CNTLN: variants seen among roughly 807,000 people sequenced by gnomAD.
CNTLN encodes centlein, also known as centlein, centrosomal protein.
CNTLN carries 212 observed loss-of-function variants against 180.0 expected under a neutral mutation model. That is an observed-to-expected ratio of 1.18 (90% CI 1.05 to 1.32). The LOEUF (loss-of-function observed/expected upper bound fraction) is 1.32. Among genes scored for constraint, CNTLN ranks in the 40% most tolerant of loss-of-function variants. CNTLN has a pLI of 0.00. For missense variants in CNTLN, 2,095 were observed against 1,610.9 expected (o/e 1.30, Z -5.14); for synonymous variants, 722 against 563.1 (o/e 1.28, Z -3.99).
chr9:17,418,941 G>C (rs556199153), intron 18 of CNTLN, among the ~76,000 whole-genome samples: 1 of 152,022 alleles, frequency 6.6e-6, no homozygotes, highest in African/African-American at 2.4e-5. Flanking sequence ...TTTTTTCCCT[G>C]TCAGTTTCAT....
intron 23 of CNTLN, among the ~76,000 whole-genome samples, chr9:17,480,157 T>G (rs1312658969): frequency 6.6e-6 from 1 of 151,974 alleles, no homozygotes; most frequent in African/African-American, 2.4e-5. Context: ...CACCACTGCA[T>G]TTCAGCCCGG....
At chr9:17,351,451 C>A (rs1257672336) in intron 12 of CNTLN, among the ~76,000 whole-genome samples, 1 of 152,180 alleles carries the variant, frequency 6.6e-6, no homozygotes, top group East Asian at 1.9e-4. Flanking sequence ...AAACCAAATT[C>A]ACGATCTCCA....
In CNTLN at chr9:17,463,000, G is replaced by C. The variant is rs1303695946; in HGVS notation, c.3391G>C (p.Glu1131Gln). ...ELLAKEEHIK[E>Q]MHEKISRMER... Reference sequence around the variant, plus strand: ...CCTAGCAAAAGAAGAACACATAAAGGAAATGCATGAAAAGTATGGTTTTTG... The same window carrying C: ...CCTAGCAAAAGAAGAACACATAAAGCAAATGCATGAAAAGTATGGTTTTTG... The change falls in exon 20 of 26, where the codon GAA becomes CAA. Residue 1131 changes from glutamate to glutamine, a missense_variant. Transcript: ENST00000380647. 1 of 1,570,912 alleles carries C rather than the reference G, an allele frequency of 6.4e-7. No individual in the cohort carries two copies. Among genetic ancestry groups the C allele is most frequent in the Non-Finnish European group, 8.6e-7 (1 of 1,159,370 alleles).
At chr9:17,506,304 G>T (rs1833931623), downstream of CNTLN, among the ~76,000 whole-genome samples, 2 of 152,044 alleles carry the variant, frequency 1.3e-5, no homozygotes, top group Admixed American at 6.6e-5. Context: ...CTTTCACCCT[G>T]GGAATAGACA....
the CNTLN span, among the ~76,000 whole-genome samples, chr9:17,514,674 G>A: frequency 0.98 from 148,650 of 152,306 alleles, 72,558 homozygotes; most frequent in Middle Eastern, 1. Context: ...TATTCCAAGT[G>A]TACTGGTTTT....
At chr9:17,291,029 C>T (rs1459350109) in intron 6 of CNTLN, among the ~76,000 whole-genome samples, 1 of 152,142 alleles carries the variant, frequency 6.6e-6, no homozygotes, top group African/African-American at 2.4e-5. Context: ...ATCTTGGCTC[C>T]TCCCCTGATT....
intron 5 of CNTLN, among the ~76,000 whole-genome samples, chr9:17,263,376 C>A (rs191160283): frequency 6.6e-6 from 1 of 151,038 alleles, no homozygotes; most frequent in African/African-American, 2.5e-5. Context: ...ATGAACTCAT[C>A]ATTTTTTATG....
At chr9:17,138,092 A>G (rs1266754413) in intron 1 of CNTLN, among the ~76,000 whole-genome samples, 1 of 152,152 alleles carries the variant, frequency 6.6e-6, no homozygotes, top group Non-Finnish European at 1.5e-5. Context: ...GTAATTTTGC[A>G]TCCATGGCAT....
At position 17,298,317 on chromosome 9, in the gene CNTLN, G is replaced by A; in HGVS notation, c.1111G>A (p.Asp371Asn). 1 of 1,613,114 alleles carries A rather than the reference G, an allele frequency of 6.2e-7. No individual in the cohort carries two copies. Among genetic ancestry groups the A allele is most frequent in the Non-Finnish European group, 8.5e-7 (1 of 1,179,704 alleles). Residue 371 changes from aspartate to asparagine, a missense_variant, in exon 7 of 26, where the codon GAT (aspartate) becomes AAT (asparagine). By Grantham distance (23) the Asp-to-Asn change is conservative. Transcript: ENST00000380647. ...ACAAAAAGTACTGAGAAATCAGGAA[G>A]ATGTTCACACAGCTGAAAGTATATC... ...DTQKVLRNQE[D>N]VHTAESISYQ...
At chr9:17,277,403 A>G (rs550235952) in intron 6 of CNTLN, among the ~76,000 whole-genome samples, 1 of 152,222 alleles carries the variant, frequency 6.6e-6, no homozygotes, top group East Asian at 1.9e-4. Context: ...GGATTAATAC[A>G]TCTGGATTGC....
At chr9:17,288,266 C>T (rs1164986676) in intron 6 of CNTLN, among the ~76,000 whole-genome samples, 2 of 116,036 alleles carry the variant, frequency 1.7e-5, no homozygotes, top group African/African-American at 8.0e-5. Context: ...TCATTATGTA[C>T]CCAGTAGTCA....
intron 2 of CNTLN, among the ~76,000 whole-genome samples, chr9:17,175,437 C>A (rs375491460): frequency 1.3e-4 from 20 of 152,210 alleles, no homozygotes; most frequent in Admixed American, 1.3e-4. Context: ...GCATCTTTGT[C>A]TAAAATCACT....
chr9:17,315,813 T>G (rs1819502039), intron 8 of CNTLN, among the ~76,000 whole-genome samples: 1 of 152,092 alleles, frequency 6.6e-6, no homozygotes, highest in Admixed American at 6.5e-5. Flanking sequence ...TAGAATATTC[T>G]ATAAATGTCA....
At chr9:17,475,103 C>G (rs1166103932) in intron 23 of CNTLN, among the ~76,000 whole-genome samples, 2 of 151,934 alleles carry the variant, frequency 1.3e-5, no homozygotes, top group East Asian at 4.1e-4. Flanking sequence ...CCTCTTCTCT[C>G]TCAAGGTCTT....
intron 6 of CNTLN, among the ~76,000 whole-genome samples, chr9:17,295,720 T>A (rs1817849071): frequency 6.6e-6 from 1 of 152,136 alleles, no homozygotes; most frequent in South Asian, 2.1e-4. Flanking sequence ...GATGTGTGAG[T>A]TGTGCGAGCT....
At chr9:17,183,672 AAAAT>A (rs1385232589) in intron 2 of CNTLN, among the ~76,000 whole-genome samples, 2 of 152,080 alleles carry the variant, frequency 1.3e-5, no homozygotes, top group Admixed American at 1.3e-4. Context: ...GTTATCATCA[AAAAT>A]AAATGTTTCA....
chr9:17,166,578 C>A (rs1258898453), intron 2 of CNTLN, among the ~76,000 whole-genome samples: 2 of 152,194 alleles, frequency 1.3e-5, no homozygotes, highest in East Asian at 3.9e-4. Flanking sequence ...ATAGTGAGAT[C>A]ATGAAACCTC....
intron 3 of CNTLN, 75 bp from the exon 4 acceptor site, chr9:17,235,583 T>G (rs1028881724): frequency 2.4e-6 from 3 of 1,248,016 alleles, no homozygotes; most frequent in Non-Finnish European, 3.4e-6. Context: ...CAAATCAAAA[T>G]GTAAAACCTT....
chr9:17,297,106 G>A (rs941105766), intron 6 of CNTLN, among the ~76,000 whole-genome samples: 1 of 152,128 alleles, frequency 6.6e-6, no homozygotes, highest in South Asian at 2.1e-4. Flanking sequence ...AAAATATCAG[G>A]TGAAGAAAAA....
Sources: allele counts gnomAD v4.1 joint callset (sites outside exome capture counted in the v4.1 genomes callset), GRCh38; gene constraint gnomAD v4.1.1; transcripts MANE v1.5; gene names NCBI Gene and HGNC (gene_info 2026-07-23, HGNC 2026-07-21).